Variants in MPP7 observed in about 807,000 individuals in gnomAD.
MPP7 encodes the protein MAGUK p55 subfamily member 7.
In MPP7, 60 loss-of-function variants were observed where a neutral mutation model predicts 76.5. That is an observed-to-expected ratio of 0.78 (90% CI 0.64 to 0.97). The LOEUF (loss-of-function observed/expected upper bound fraction) is 0.97. Ranked by LOEUF, MPP7 falls within the 50% of genes least tolerant of loss-of-function variation. MPP7 has a pLI of 0.00. For missense variants in MPP7, 641 were observed against 694.0 expected (o/e 0.92, Z 0.86); for synonymous variants, 237 against 244.5 (o/e 0.97, Z 0.29).
In MPP7 at chr10:28,303,013, C is replaced by G. The variant is rs1171813788; in HGVS notation, c.-284G>C. 6.6e-6 allele frequency among the ~76,000 whole-genome samples: 1 copy of G among 152,038 alleles called. No individual in the cohort carries two copies. The highest frequency in any genetic ancestry group is 1.5e-5 in the Non-Finnish European group (1 of 67,976). On this transcript the variant is annotated 5_prime_UTR_variant, in exon 1 of 17. Coordinates refer to ENST00000683449, the MANE Select transcript of MPP7 (RefSeq NM_001318170.2). ...GCACCGCCGCGGCGGGCGCAGAACG[C>G]ACGAGCCCAGTGGGAGCCCGGCCCC...
chr10:28,281,928 A>C (rs972927675), intron 1 of MPP7: 4 of 152,118 alleles, frequency 2.6e-5, no homozygotes, highest in African/African-American at 9.7e-5. Context: ...ACACCAATTA[A>C]GCAAGGAAGA....
At chr10:28,193,235 C>T (rs2801834) in intron 3 of MPP7, among the ~76,000 whole-genome samples, 121,358 of 146,798 alleles carry the variant, frequency 0.83, 50,689 homozygotes, top group African/African-American at 0.89. Context: ...TTTTTTGAGA[C>T]GGAGTCTCGC....
chr10:28,138,978 C>G (rs1264546697), intron 5 of MPP7, among the ~76,000 whole-genome samples: 1 of 152,200 alleles, frequency 6.6e-6, no homozygotes, highest in Non-Finnish European at 1.5e-5. Flanking sequence ...GTGTGGCAGA[C>G]TGCCACTGTT....
intron 3 of MPP7, among the ~76,000 whole-genome samples, chr10:28,197,946 AC>A (rs1233925860): frequency 1.3e-5 from 2 of 152,190 alleles, no homozygotes; most frequent in African/African-American, 4.8e-5. Flanking sequence ...AAACAATGTA[AC>A]CAGATGTTAC....
chr10:28,140,009 A>C (rs149253119), intron 5 of MPP7, among the ~76,000 whole-genome samples: 2 of 152,346 alleles, frequency 1.3e-5, no homozygotes, highest in East Asian at 3.9e-4. Flanking sequence ...AAACCCAAAC[A>C]ACCTCACAAA....
chr10:28,323,114 G>A (rs1479022373), intron 2 of MPP7, among the ~76,000 whole-genome samples: 4 of 151,996 alleles, frequency 2.6e-5, no homozygotes, highest in Admixed American at 6.6e-5. Context: ...GTGAAACCCC[G>A]TCTCTACTAA....
Position 28,063,038 on chromosome 10 carries a change from T to TA in MPP7, c.1205-3296dup, listed in dbSNP as rs368470080. Among the ~76,000 whole-genome samples, 73 of 147,180 alleles carry TA rather than the reference T, an allele frequency of 5.0e-4. No homozygotes were observed. In the South Asian group the frequency reaches 0.01, roughly 20 times the overall value. The stretch of plus-strand genomic sequence containing the variant: ...ACTTTTGCTTTTTAAAAGACACCAT[T>TA]AAAAAAAAAATGAAAAGGTCAGCCA... On this transcript the variant is annotated intron_variant, in intron 13 of 16. Coordinates refer to ENST00000683449, the MANE Select transcript of MPP7 (RefSeq NM_001318170.2).
intron 3 of MPP7, among the ~76,000 whole-genome samples, chr10:28,166,509 G>A (rs1355834487): frequency 6.8e-6 from 1 of 146,800 alleles, no homozygotes; most frequent in East Asian, 2.1e-4. Flanking sequence ...CCAGGTTCAA[G>A]TGATTCTCCT....
chr10:28,311,350 T>C (rs1356173231), intron 2 of MPP7, among the ~76,000 whole-genome samples: 2 of 152,166 alleles, frequency 1.3e-5, no homozygotes, highest in African/African-American at 4.8e-5. Flanking sequence ...GTGTCTGAAG[T>C]TGGATTGCTA....
At position 28,201,104 on chromosome 10, in the gene MPP7, T is replaced by C. The variant is rs138073146; in HGVS notation, c.156+1049A>G. Among the ~76,000 whole-genome samples the C allele has an allele frequency of 4.4e-3, 664 of 152,268 alleles. 5 individuals are homozygous for C. Among genetic ancestry groups the C allele is most frequent in the African/African-American group, 0.015 (643 of 41,558 alleles). ...AAGGATGCCTTGGAAATTACACTGT[T>C]ATGAAAAAATAAAGAAATGAACAAA... On this transcript the variant is annotated intron_variant, in intron 3 of 16. Coordinates refer to ENST00000683449, the MANE Select transcript of MPP7 (RefSeq NM_001318170.2).
chr10:28,278,867 G>C (rs1589022049), intron 1 of MPP7, among the ~76,000 whole-genome samples: 1 of 149,756 alleles, frequency 6.7e-6, no homozygotes, highest in Non-Finnish European at 1.5e-5. Flanking sequence ...GGAGGTAAAG[G>C]TCATTTATTG....
At chr10:28,237,955 A>AT (rs1242798896) in intron 2 of MPP7, among the ~76,000 whole-genome samples, 1 of 152,068 alleles carries the variant, frequency 6.6e-6, no homozygotes, top group East Asian at 1.9e-4. Flanking sequence ...GGAGGATTTT[A>AT]TGTACACATG....
chr10:28,202,340 G>A (rs1444192416), intron 2 of MPP7, 69 bp from the exon 3 acceptor site: 17 of 1,063,170 alleles, frequency 1.6e-5, no homozygotes, highest in Non-Finnish European at 2.1e-5. Flanking sequence ...TAAGGTGTGT[G>A]TAAATGACAG....
rs762853419 is a variant in MPP7 at position 28,102,345 on chromosome 10, T to C, written c.953-12504A>G. Among the ~76,000 whole-genome samples the C allele has an allele frequency of 7.0e-4, 107 of 152,120 alleles. 1 individual carries two copies. Among genetic ancestry groups the C allele is most frequent in the Admixed American group, 3.2e-3 (49 of 15,274 alleles). On this transcript the variant is annotated intron_variant, in intron 11 of 16. Coordinates refer to ENST00000683449, the MANE Select transcript of MPP7 (RefSeq NM_001318170.2). ...TTATGCAAACTACATACAACTTCCATTGCCCAGTGAGCTTTTTCCTTTCTT... is the reference window on the plus strand; with the variant it reads ...TTATGCAAACTACATACAACTTCCACTGCCCAGTGAGCTTTTTCCTTTCTT...
intron 1 of MPP7, among the ~76,000 whole-genome samples, chr10:28,286,712 A>G (rs1014531211): frequency 1.3e-5 from 2 of 152,168 alleles, no homozygotes; most frequent in Non-Finnish European, 2.9e-5. Context: ...ACTGATGATC[A>G]AAGCAAGGGT....
intron 2 of MPP7, among the ~76,000 whole-genome samples, chr10:28,212,180 A>G (rs751421700): frequency 1.9e-4 from 29 of 152,146 alleles, no homozygotes; most frequent in Non-Finnish European, 3.5e-4. Context: ...AACAGATCGC[A>G]GGAAGCCGAG....
intron 1 of MPP7, among the ~76,000 whole-genome samples, chr10:28,264,523 A>G (rs574363245): frequency 6.6e-6 from 1 of 152,040 alleles, no homozygotes; most frequent in Non-Finnish European, 1.5e-5. Flanking sequence ...CTTGGTCACA[A>G]AATTAGAGTG....
intron 1 of MPP7, chr10:28,330,145 T>C (rs956522287): frequency 6.6e-6 from 1 of 152,232 alleles, no homozygotes; most frequent in Non-Finnish European, 1.5e-5. Context: ...ATGTTGGTAA[T>C]AGTGGAGTAC....
At chr10:28,248,785 C>T (rs1291391240) in intron 1 of MPP7, among the ~76,000 whole-genome samples, 2 of 152,296 alleles carry the variant, frequency 1.3e-5, no homozygotes, top group East Asian at 3.9e-4. Context: ...AGTGCAGTCA[C>T]CTACTGTACA....
Sources: gnomAD v4.1 joint callset for allele counts (sites outside exome capture counted in the v4.1 genomes callset) on GRCh38, gnomAD v4.1.1 for gene constraint, MANE v1.5 for transcripts, NCBI Gene and HGNC (gene_info 2026-07-23, HGNC 2026-07-21) for gene names.